Variants in PAIP1 observed in about 807,000 individuals in gnomAD.
PAIP1 encodes polyadenylate-binding protein-interacting protein 1.
A neutral mutation model predicts 61.3 loss-of-function variants in PAIP1; 16 were observed. That is an observed-to-expected ratio of 0.26 (90% CI 0.18 to 0.40). The LOEUF is 0.40. Ranked by LOEUF, PAIP1 falls within the 10% of genes least tolerant of loss-of-function variation. The probability of loss-of-function intolerance (pLI) is 1.00; values close to 1 mark genes in which losing one functional copy is unlikely to be tolerated. For synonymous variants in PAIP1, 187 were observed against 226.2 expected (o/e 0.83, Z 1.56); for missense variants, 416 against 600.9 (o/e 0.69, Z 3.22).
At chr5:43,542,971 G>A in intron 4 of PAIP1, 33 bp downstream of exon 4, 1 of 1,065,050 alleles carries the variant, frequency 9.4e-7, no homozygotes, top group South Asian at 1.3e-5. Flanking sequence ...ATATTTAGAA[G>A]TAGTTTTCCT....
chr5:43,538,863 C>A, intron 5 of PAIP1, 61 bp downstream of exon 5: 1 of 823,740 alleles, frequency 1.2e-6, no homozygotes, highest in Non-Finnish European at 2.1e-6. Flanking sequence ...ACAAATTCCT[C>A]ATTGAGATCA....
intron 3 of PAIP1, among the ~76,000 whole-genome samples, chr5:43,546,025 G>A (rs1278014417): frequency 1.3e-5 from 2 of 151,876 alleles, no homozygotes; most frequent in Admixed American, 6.6e-5. Flanking sequence ...CACCCGCCTC[G>A]GCCTCCCAAA....
chr5:43,545,704 T>C (rs1336797792), intron 3 of PAIP1, among the ~76,000 whole-genome samples: 2 of 152,154 alleles, frequency 1.3e-5, no homozygotes, highest in African/African-American at 4.8e-5. Context: ...TTCCGCCTTT[T>C]AAAAATCCCC....
Position 43,556,803 on chromosome 5 carries a change from C to T in PAIP1, c.44G>A (p.Arg15Gln), listed in dbSNP as rs970460707. 1.4e-6 allele frequency: 2 copies of T among 1,452,184 alleles called. No individual in the cohort carries two copies. Among genetic ancestry groups the T allele is most frequent in the Non-Finnish European group, 1.8e-6 (2 of 1,105,392 alleles). 90.0% of individuals were successfully genotyped at this position (1,452,184 alleles called of 1,614,324 possible). A position where few individuals can be genotyped will look rare whatever the true frequency, so the allele number is the denominator to read the frequency against. The part of the protein sequence containing the change: ...FDRAPGAGRG[R>Q]SRGLGRGGGG... ...CCCTCCGCGGCCCAGGCCCCGGCTC[C>T]GGCCCCGACCAGCACCTGGGGCCCG... The change falls in exon 1 of 11, where the codon CGG becomes CAG. Residue 15 changes from arginine to glutamine, a missense_variant. Arg to Gln is a conservative substitution (Grantham distance 43, BLOSUM62 1). Coordinates refer to ENST00000306846, the MANE Select transcript of PAIP1 (RefSeq NM_006451.5).
rs1467694235 is a variant in PAIP1 at position 43,534,900 on chromosome 5, A to C, written c.1150T>G (p.Ser384Ala). ...TCTGGTGTTGCTTCTCTATATGTTG[A>C]AGTTGCATGGACTCTGCCCCAGTTA... ...SSNWGRVHAT[S>A]TYREATPEND... is the part of the protein sequence containing the mutation. Residue 384 changes from serine (S) to alanine (A), a missense_variant, in exon 8 of 11, where the codon TCA (serine) becomes GCA (alanine). This residue lies in a region of PAIP1 where 135 missense variants were observed against 283.9 expected (regional missense o/e 0.48). Coordinates refer to ENST00000306846, the MANE Select transcript of PAIP1 (RefSeq NM_006451.5). The C allele has an allele frequency of 6.2e-7, 1 of 1,606,600 alleles. No individual in the cohort carries two copies. Among genetic ancestry groups the C allele is most frequent in the Admixed American group, 1.7e-5 (1 of 60,004 alleles).
intron 8 of PAIP1, 90 bp from the exon 9 acceptor site, chr5:43,533,882 C>T: frequency 1.3e-6 from 1 of 798,546 alleles, no homozygotes; most frequent in Non-Finnish European, 2.2e-6. Flanking sequence ...TGTCACCCGT[C>T]TGCACCTAAT....
intron 4 of PAIP1, 84 bp downstream of exon 4, chr5:43,542,920 C>T: frequency 2.7e-6 from 2 of 732,298 alleles, no homozygotes; most frequent in East Asian, 5.2e-5. Flanking sequence ...TTTCCTGCAG[C>T]TTTTTATAAT....
chr5:43,536,347 T>C (rs956364523), intron 6 of PAIP1, among the ~76,000 whole-genome samples: 1 of 152,188 alleles, frequency 6.6e-6, no homozygotes, highest in Non-Finnish European at 1.5e-5. Context: ...CTGCCATGGC[T>C]AAACTGAAGA....
chr5:43,541,224 A>C, intron 4 of PAIP1, among the ~76,000 whole-genome samples: 1 of 138,834 alleles, frequency 7.2e-6, no homozygotes. Context: ...TCCCGGGTTC[A>C]CGCCATTCTC....
At chr5:43,544,104 C>T (rs142591706) in intron 3 of PAIP1, among the ~76,000 whole-genome samples, 3 of 141,564 alleles carry the variant, frequency 2.1e-5, no homozygotes, top group African/African-American at 7.8e-5. Context: ...GGTCACGCCA[C>T]TGCACTCTAG....
At chr5:43,551,781 T>C (rs977611929) in intron 2 of PAIP1, among the ~76,000 whole-genome samples, 29 of 150,994 alleles carry the variant, frequency 1.9e-4, no homozygotes, top group African/African-American at 7.1e-4. Context: ...CAGAACTCTC[T>C]TTTAAGAAAA....
At chr5:43,546,927 CA>C (rs35602099) in intron 3 of PAIP1, among the ~76,000 whole-genome samples, 2,067 of 151,032 alleles carry the variant, frequency 0.014, 54 homozygotes, top group East Asian at 0.13. Context: ...CCTGTAATCT[CA>C]GCTACCTGGG....
At chr5:43,531,159 G>GCA (rs1746913113) in intron 9 of PAIP1, among the ~76,000 whole-genome samples, 1 of 152,006 alleles carries the variant, frequency 6.6e-6, no homozygotes, top group Non-Finnish European at 1.5e-5. Flanking sequence ...CAATGGGCCT[G>GCA]CACCTCAAAT....
At chr5:43,538,315 T>C (rs1235985196) in intron 5 of PAIP1, among the ~76,000 whole-genome samples, 1 of 152,158 alleles carries the variant, frequency 6.6e-6, no homozygotes, top group East Asian at 1.9e-4. Flanking sequence ...CAATATATTG[T>C]ATACATGAAA....
chr5:43,547,726 A>C lies in PAIP1; in HGVS notation c.621+2T>G. 6.3e-7 allele frequency: 1 copy of C among 1,596,172 alleles called. No individual in the cohort carries two copies. The highest frequency in any genetic ancestry group is 8.6e-7 in the Non-Finnish European group (1 of 1,168,382). Reference sequence around the variant, plus strand: ...GTCACTGCATGCTATAAGCCAACATACCTGTTGATAGATGAGTTCCACAAG... The same window carrying C: ...GTCACTGCATGCTATAAGCCAACATCCCTGTTGATAGATGAGTTCCACAAG... On this transcript the variant is annotated splice_donor_variant, in intron 3 of 10. Coordinates refer to ENST00000306846, the MANE Select transcript of PAIP1 (RefSeq NM_006451.5). LOFTEE classifies it high-confidence loss of function.
chr5:43,544,078 G>C (rs1404522138), intron 3 of PAIP1, among the ~76,000 whole-genome samples: 1 of 148,970 alleles, frequency 6.7e-6, no homozygotes, highest in African/African-American at 2.5e-5. Context: ...AGGAGTTCAA[G>C]GCTGCAGTGA....
At chr5:43,542,767 A>G (rs971239819) in intron 4 of PAIP1, among the ~76,000 whole-genome samples, 4 of 152,222 alleles carry the variant, frequency 2.6e-5, no homozygotes, top group Non-Finnish European at 4.4e-5. Context: ...TAAGAATTAC[A>G]TAAGTGTTTA....
intron 6 of PAIP1, among the ~76,000 whole-genome samples, chr5:43,535,988 A>T (rs1278445020): frequency 6.6e-6 from 1 of 152,120 alleles, no homozygotes; most frequent in African/African-American, 2.4e-5. Context: ...CTTTGAATAA[A>T]AAAAAAAAAC....
chr5:43,546,772 G>A (rs909494710), intron 3 of PAIP1, among the ~76,000 whole-genome samples: 3 of 151,974 alleles, frequency 2.0e-5, no homozygotes, highest in Non-Finnish European at 4.4e-5. Flanking sequence ...CAGGTGCAGC[G>A]GCTCATGTCT....
Sources: gnomAD v4.1 joint callset for allele counts (sites outside exome capture counted in the v4.1 genomes callset) on GRCh38, gnomAD v4.1.1 for gene constraint, gnomAD v4.1.1 regional missense constraint, MANE v1.5 for transcripts, NCBI Gene and HGNC (gene_info 2026-07-23, HGNC 2026-07-21) for gene names.